The following ZDHHC14 variants were observed in gnomAD, a reference collection of about 807,000 sequenced individuals.
ZDHHC14 encodes zDHHC palmitoyltransferase 14, also known as palmitoyltransferase ZDHHC14.
A neutral mutation model predicts 47.7 loss-of-function variants in ZDHHC14; 16 were observed. That is an observed-to-expected ratio of 0.34 (90% confidence interval 0.23 to 0.51). The LOEUF (loss-of-function observed/expected upper bound fraction) is 0.51, where lower values mean the gene tolerates loss of function less well. ZDHHC14 is among the 20% of genes least tolerant of loss of function. The pLI, the probability that ZDHHC14 is intolerant of heterozygous loss-of-function variation, is 0.97. For missense variants in ZDHHC14, 515 were observed against 662.5 expected (o/e 0.78, Z 2.44); for synonymous variants, 293 against 278.9 (o/e 1.05, Z -0.50).
chr6:157,416,972 G>GTTTTTTTTTTTTTTT lies in ZDHHC14; in HGVS notation c.245+34721_245+34735dup, dbSNP rs71027335. Reference sequence around the variant, plus strand: ...AGGTGCCCGCCACCATGCCTGGCTAGTTTTTTTTTTTTTTTTTTTTTTTTT... The same window carrying GTTTTTTTTTTTTTTT: ...AGGTGCCCGCCACCATGCCTGGCTAGTTTTTTTTTTTTTTTTTTTTTTTTTTTTTTTTTTTTTTTT... On this transcript the variant is annotated intron_variant, in intron 1 of 8. Transcript: ENST00000359775. Among the ~76,000 whole-genome samples, 51 of 45,552 alleles carry GTTTTTTTTTTTTTTT rather than the reference G, an allele frequency of 1.1e-3. 3 individuals carry two copies. Among genetic ancestry groups the GTTTTTTTTTTTTTTT allele is most frequent in the African/African-American group, 1.7e-3 (15 of 9,056 alleles). The allele number at this position is 45,552 out of a possible 152,430, so 29.9% of individuals were successfully genotyped here.
chr6:157,587,542 C>A (rs771196522), intron 2 of ZDHHC14, among the ~76,000 whole-genome samples: 6 of 152,168 alleles, frequency 3.9e-5, no homozygotes, highest in Non-Finnish European at 5.9e-5. Context: ...GCAAGGCCAC[C>A]CAGAGTCCTT....
At chr6:157,382,472 G>A (rs1475488039) in intron 1 of ZDHHC14, among the ~76,000 whole-genome samples, 1 of 152,204 alleles carries the variant, frequency 6.6e-6, no homozygotes, top group African/African-American at 2.4e-5. Context: ...GGGCTTCTGG[G>A]AGCAGGGAGG....
intron 3 of ZDHHC14, among the ~76,000 whole-genome samples, chr6:157,595,365 T>G (rs1028556184): frequency 6.6e-6 from 1 of 151,816 alleles, no homozygotes; most frequent in African/African-American, 2.4e-5. Context: ...CTAATTTTTT[T>G]GTATTTTTCT....
intron 1 of ZDHHC14, among the ~76,000 whole-genome samples, chr6:157,475,106 T>C (rs1779448627): frequency 6.6e-6 from 1 of 152,228 alleles, no homozygotes; most frequent in South Asian, 2.1e-4. Context: ...TATGTACATA[T>C]CCAGTTTTCC....
intron 2 of ZDHHC14, among the ~76,000 whole-genome samples, chr6:157,569,345 A>T (rs1290161563): frequency 2.0e-5 from 3 of 152,018 alleles, no homozygotes; most frequent in Non-Finnish European, 4.4e-5. Context: ...TTAGCTGTCT[A>T]TCCTAATTTT....
chr6:157,635,450 C>T (rs1220534659), intron 5 of ZDHHC14, among the ~76,000 whole-genome samples: 1 of 152,186 alleles, frequency 6.6e-6, no homozygotes, highest in African/African-American at 2.4e-5. Context: ...TTATGAGGTC[C>T]GGAGTCATTT....
At position 157,548,046 on chromosome 6, in the gene ZDHHC14, G is replaced by A. The variant is rs148549183; in HGVS notation, c.406+5301G>A. ...CTGTGATTGAATCTTCATACACTGC[G>A]CAGTCGCTTTGTGTACTGTATACTA... On this transcript the variant is annotated intron_variant, in intron 2 of 8. Transcript: ENST00000359775. Among the ~76,000 whole-genome samples, 279 of 151,474 alleles carry A rather than the reference G, an allele frequency of 1.8e-3. 1 individual carries two copies. The highest frequency in any genetic ancestry group is 6.4e-3 in the African/African-American group (266 of 41,262).
intron 8 of ZDHHC14, among the ~76,000 whole-genome samples, chr6:157,662,325 G>A (rs1778380572): frequency 6.6e-6 from 1 of 152,158 alleles, no homozygotes; most frequent in African/African-American, 2.4e-5. Flanking sequence ...GGGATTACAG[G>A]TGCGCGCCAT....
intron 1 of ZDHHC14, among the ~76,000 whole-genome samples, chr6:157,461,467 G>A (rs777673985): frequency 4.6e-5 from 7 of 152,160 alleles, no homozygotes; most frequent in East Asian, 1.9e-4. Context: ...TTTCCTGAAC[G>A]CATTGTACGT....
At chr6:157,636,890 C>T (rs147937102) in intron 5 of ZDHHC14, among the ~76,000 whole-genome samples, 71 of 152,326 alleles carry the variant, frequency 4.7e-4, no homozygotes, top group South Asian at 1.0e-3. Context: ...GTGCCACTGA[C>T]GCCCCTCCCC....
At chr6:157,437,149 A>T (rs1159093312) in intron 1 of ZDHHC14, among the ~76,000 whole-genome samples, 3 of 152,176 alleles carry the variant, frequency 2.0e-5, no homozygotes, top group African/African-American at 7.2e-5. Flanking sequence ...CCGGCCACAC[A>T]TGGGCTGGAG....
At chr6:157,617,298 A>G (rs1407866683) in intron 3 of ZDHHC14, among the ~76,000 whole-genome samples, 2 of 152,242 alleles carry the variant, frequency 1.3e-5, no homozygotes, top group East Asian at 3.8e-4. Flanking sequence ...ATGGCCTTAT[A>G]TCTTAACAAT....
At chr6:157,555,809 T>A (rs573078389) in intron 2 of ZDHHC14, among the ~76,000 whole-genome samples, 8 of 152,290 alleles carry the variant, frequency 5.3e-5, no homozygotes, top group Non-Finnish European at 1.2e-4. Context: ...CCCACTAGAA[T>A]TGTGCCAAAA....
chr6:157,397,483 C>T (rs930748402), intron 1 of ZDHHC14, among the ~76,000 whole-genome samples: 2 of 152,144 alleles, frequency 1.3e-5, no homozygotes, highest in Admixed American at 1.3e-4. Flanking sequence ...TCCCTCCATC[C>T]TCAAAGCCAG....
At chr6:157,431,753 G>A (rs1778343358) in intron 1 of ZDHHC14, among the ~76,000 whole-genome samples, 1 of 145,882 alleles carries the variant, frequency 6.9e-6, no homozygotes, top group Non-Finnish European at 1.5e-5. Flanking sequence ...TTTTTGAGAC[G>A]GAGTCTCACT....
intron 1 of ZDHHC14, among the ~76,000 whole-genome samples, chr6:157,523,599 TA>T (rs899259237): frequency 2.6e-5 from 4 of 152,004 alleles, no homozygotes; most frequent in African/African-American, 9.7e-5. Context: ...TTAAATTCAT[TA>T]AAAAACAAAG....
intron 1 of ZDHHC14, among the ~76,000 whole-genome samples, chr6:157,389,810 A>G (rs1583603685): frequency 6.6e-6 from 1 of 152,286 alleles, no homozygotes; most frequent in Non-Finnish European, 1.5e-5. Context: ...TTACATCCAT[A>G]TATGCTATAA....
At chr6:157,434,852 C>T (rs768270634) in intron 1 of ZDHHC14, among the ~76,000 whole-genome samples, 13 of 152,114 alleles carry the variant, frequency 8.5e-5, no homozygotes, top group Non-Finnish European at 7.4e-5. Flanking sequence ...AGAATCCTGG[C>T]GTGACATGTT....
chr6:157,591,520 T>C (rs960423491), intron 2 of ZDHHC14, among the ~76,000 whole-genome samples: 1 of 152,196 alleles, frequency 6.6e-6, no homozygotes, highest in East Asian at 1.9e-4. Flanking sequence ...TCTGTCATGA[T>C]TATACATTTC....
Sources: allele counts gnomAD v4.1 joint callset (sites outside exome capture counted in the v4.1 genomes callset), GRCh38; gene constraint gnomAD v4.1.1; transcripts MANE v1.5; gene names NCBI Gene and HGNC (gene_info 2026-07-23, HGNC 2026-07-21).